ADAMTS9: variants seen among roughly 807,000 people sequenced by gnomAD.
The protein encoded by ADAMTS9 is ADAM metallopeptidase with thrombospondin type 1 motif 9.
A neutral mutation model predicts 257.1 loss-of-function variants in ADAMTS9; 107 were observed. The observed-to-expected ratio is 0.42, with a 90% confidence interval of 0.36 to 0.49. ADAMTS9 has a LOEUF of 0.49. Ranked by LOEUF, ADAMTS9 falls within the 20% of genes least tolerant of loss-of-function variation. The probability of loss-of-function intolerance (pLI) is 0.03; values close to 1 mark genes in which losing one functional copy is unlikely to be tolerated. For synonymous variants in ADAMTS9, 982 were observed against 880.9 expected (o/e 1.11, Z -2.03); for missense variants, 2,353 against 2,469.1 (o/e 0.95, Z 1.00).
At chr3:64,648,483 C>G (rs1309762104) in intron 10 of ADAMTS9, among the ~76,000 whole-genome samples, 4 of 152,198 alleles carry the variant, frequency 2.6e-5, no homozygotes, top group African/African-American at 9.6e-5. Context: ...TTGCTTTCTT[C>G]CTCCTCTAAA....
intron 3 of ADAMTS9, among the ~76,000 whole-genome samples, chr3:64,667,588 G>A (rs1701380391): frequency 6.6e-6 from 1 of 152,194 alleles, no homozygotes; most frequent in Non-Finnish European, 1.5e-5. Context: ...GGGGGTGGGT[G>A]CCTCCAGCTA....
chr3:64,645,307 A>C (rs962255975), intron 11 of ADAMTS9, among the ~76,000 whole-genome samples: 1 of 152,224 alleles, frequency 6.6e-6, no homozygotes, highest in Admixed American at 6.5e-5. Flanking sequence ...TTGAAACAAA[A>C]GAGTTTCAAA....
intron 26 of ADAMTS9, 47 bp downstream of exon 26, chr3:64,601,897 C>A (rs201641002): frequency 1.9e-6 from 3 of 1,542,910 alleles, no homozygotes; most frequent in Admixed American, 4.0e-5. Context: ...TACCCTAAAC[C>A]CAACCTCAAG....
At chr3:64,625,876 CT>C (rs1406222668) in intron 16 of ADAMTS9, among the ~76,000 whole-genome samples, 1 of 152,214 alleles carries the variant, frequency 6.6e-6, no homozygotes, top group Non-Finnish European at 1.5e-5. Context: ...TCTTCCTAGT[CT>C]GACCATTCAC....
At chr3:64,534,776 T>TG (rs11300074) in intron 37 of ADAMTS9, among the ~76,000 whole-genome samples, 1 of 151,860 alleles carries the variant, frequency 6.6e-6, no homozygotes, top group African/African-American at 2.4e-5. Context: ...GTCACAACTG[T>TG]GGGGGGGCAG....
chr3:64,611,608 C>T (rs2084666784), intron 22 of ADAMTS9, among the ~76,000 whole-genome samples: 1 of 152,112 alleles, frequency 6.6e-6, no homozygotes, highest in African/African-American at 2.4e-5. Context: ...AACTGTTCCA[C>T]CTCAGATCAT....
In ADAMTS9 at chr3:64,687,514, C is replaced by T; in HGVS notation, c.115+29G>A. 1.3e-6 allele frequency: 2 copies of T among 1,497,820 alleles called. No homozygotes were observed. Among genetic ancestry groups the T allele is most frequent in the Non-Finnish European group, 1.8e-6 (2 of 1,115,850 alleles). The allele number at this position is 1,497,820 out of a possible 1,614,324, so 92.8% of individuals were successfully genotyped here. A position where few individuals can be genotyped will look rare whatever the true frequency, so the allele number is the denominator to read the frequency against. On this transcript the variant is annotated intron_variant, in intron 1 of 39. Transcript: ENST00000498707. This position sits in a 1 kb window ranked among gnomAD's most constrained non-coding sequence, Gnocchi z 4.4. ...GACCGGGAGGCGGCGTCGGGGCCGG[C>T]GGGGTCCCGGGGGCCGGAGCCTGGT...
intron 36 of ADAMTS9, among the ~76,000 whole-genome samples, chr3:64,539,905 T>C (rs1445594433): frequency 6.6e-6 from 1 of 152,266 alleles, no homozygotes; most frequent in Non-Finnish European, 1.5e-5. Context: ...AAAGTGCACG[T>C]TGTTAACCCC....
intron 23 of ADAMTS9, among the ~76,000 whole-genome samples, chr3:64,604,958 A>G (rs2084531876): frequency 6.6e-6 from 1 of 152,240 alleles, no homozygotes; most frequent in Non-Finnish European, 1.5e-5. Flanking sequence ...ACACCTGCTC[A>G]TATTCACTCT....
In ADAMTS9 at chr3:64,655,887, A is replaced by G; in HGVS notation, c.970-12T>C. The stretch of plus-strand genomic sequence containing the variant: ...TAGATAGAGGCTACCTGCAACCGAG[A>G]TAAATTTTTCAAAGTTAATTGTGAA... On this transcript the variant is annotated splice_polypyrimidine_tract_variant and intron_variant, in intron 4 of 39. Coordinates refer to ENST00000498707, the MANE Select transcript of ADAMTS9 (RefSeq NM_182920.2). 2 of 1,525,910 alleles carry G rather than the reference A, an allele frequency of 1.3e-6. No individual in the cohort carries two copies. Among genetic ancestry groups the G allele is most frequent in the Non-Finnish European group, 1.8e-6 (2 of 1,138,918 alleles). 94.5% of individuals were successfully genotyped at this position (1,525,910 alleles called of 1,614,324 possible). A position where few individuals can be genotyped will look rare whatever the true frequency, so the allele number is the denominator to read the frequency against.
intron 28 of ADAMTS9, chr3:64,583,301 A>G (rs2084051077): frequency 6.6e-6 from 1 of 152,102 alleles, no homozygotes; most frequent in South Asian, 2.1e-4. Flanking sequence ...CAAGTTTGAG[A>G]TCTCATATTT....
chr3:64,656,427 A>C (rs564981118), intron 4 of ADAMTS9, among the ~76,000 whole-genome samples: 85 of 152,266 alleles, frequency 5.6e-4, no homozygotes, highest in African/African-American at 2.0e-3. Flanking sequence ...TCTGGGCTGA[A>C]AACTAAATAC....
At chr3:64,573,323 G>T (rs1020296772) in intron 28 of ADAMTS9, among the ~76,000 whole-genome samples, 4 of 152,128 alleles carry the variant, frequency 2.6e-5, no homozygotes, top group African/African-American at 7.2e-5. Context: ...CATGAAATAT[G>T]AAATGGGGGT....
At position 64,687,738 on chromosome 3, in the gene ADAMTS9, G is replaced by T. The variant is rs1701958846; in HGVS notation, c.-81C>A. 6.1e-6 allele frequency: 7 copies of T among 1,154,718 alleles called. No individual in the cohort carries two copies. The highest frequency in any genetic ancestry group is 6.7e-5 in the Admixed American group (2 of 29,998). The allele number at this position is 1,154,718 out of a possible 1,614,324, so 71.5% of individuals were successfully genotyped here. ...GGCTGCGGCGGCGACGCGAGGCAGCGGCCGTGGAGAGCGCGCGGAGCCCGG... is the reference window on the plus strand; with the variant it reads ...GGCTGCGGCGGCGACGCGAGGCAGCTGCCGTGGAGAGCGCGCGGAGCCCGG... On this transcript the variant is annotated 5_prime_UTR_variant, in exon 1 of 40. Transcript: ENST00000498707. The surrounding 1 kb of genome is among the most constrained non-coding windows in gnomAD (Gnocchi z 4.4).
At chr3:64,592,395 G>A (rs1003231199) in intron 28 of ADAMTS9, 1 of 152,062 alleles carries the variant, frequency 6.6e-6, no homozygotes, top group Non-Finnish European at 1.5e-5. Context: ...CAGGCCCAAG[G>A]AGAACAACTA....
At chr3:64,592,336 A>G (rs1170697642) in intron 28 of ADAMTS9, 2 of 152,154 alleles carry the variant, frequency 1.3e-5, no homozygotes, top group African/African-American at 4.8e-5. Flanking sequence ...AGAGCATTAT[A>G]ATTTCTTTCT....
rs531088547 is a variant in ADAMTS9 at position 64,604,261 on chromosome 3, G to T, written c.3545C>A (p.Pro1182Gln). ...PETRRSTYSA[P>Q]RTQWRFGSWT... ...AGACCCAAATCGCCACTGGGTTCTT[G>T]GTGCACTGTATGTGCTTCTCCTCGT... Residue 1182 changes from proline (P) to glutamine (Q), a missense_variant, in exon 24 of 40, where the codon CCA becomes CAA. By Grantham distance (76) the Pro-to-Gln change is moderately conservative. Transcript: ENST00000498707. 1 of 1,613,616 alleles carries T rather than the reference G, an allele frequency of 6.2e-7. No homozygotes were observed. The highest frequency in any genetic ancestry group is 1.3e-5 in the African/African-American group (1 of 74,972).
intron 11 of ADAMTS9, among the ~76,000 whole-genome samples, chr3:64,645,793 C>T (rs957504191): frequency 2.6e-5 from 4 of 152,188 alleles, no homozygotes; most frequent in African/African-American, 9.6e-5. Flanking sequence ...AAGGCTCCTG[C>T]TCTTGCTACA....
At chr3:64,666,883 C>A (rs1009315350) in intron 3 of ADAMTS9, among the ~76,000 whole-genome samples, 1 of 152,096 alleles carries the variant, frequency 6.6e-6, no homozygotes, top group Admixed American at 6.5e-5. Context: ...TGCAGTGGAT[C>A]CTCCTGTAAT....
Sources: gnomAD v4.1 joint callset for allele counts (sites outside exome capture counted in the v4.1 genomes callset) on GRCh38, gnomAD v4.1.1 for gene constraint, Gnocchi (gnomAD v3.1) non-coding constraint, MANE v1.5 for transcripts, NCBI Gene and HGNC (gene_info 2026-07-23, HGNC 2026-07-21) for gene names.